The following TENM4 variants were observed in gnomAD, a reference collection of about 807,000 sequenced individuals.
The protein encoded by TENM4 is teneurin-4.
In TENM4, 82 loss-of-function variants were observed where a neutral mutation model predicts 243.3. The ratio of observed to expected loss-of-function variants is 0.34; its 90% CI spans 0.28 to 0.40. TENM4 has a LOEUF of 0.40. Ranked by LOEUF, TENM4 falls within the 10% of genes least tolerant of loss-of-function variation. The pLI, the probability that TENM4 is intolerant of heterozygous loss-of-function variation, is 1.00. For missense variants in TENM4, 3,138 were observed against 3,673.3 expected (o/e 0.85, Z 3.77); for synonymous variants, 1,412 against 1,456.3 (o/e 0.97, Z 0.69).
At chr11:79,098,338 C>T (rs1038817561) in intron 4 of TENM4, among the ~76,000 whole-genome samples, 1 of 152,178 alleles carries the variant, frequency 6.6e-6, no homozygotes, top group Non-Finnish European at 1.5e-5. Context: ...AGCTCTGCCC[C>T]CAGGGCCCTT....
chr11:78,745,701 T>C (rs1044944670), intron 19 of TENM4, among the ~76,000 whole-genome samples: 3 of 152,212 alleles, frequency 2.0e-5, no homozygotes, highest in Non-Finnish European at 4.4e-5. Context: ...AAAGAAACAC[T>C]GTATAGATAG....
chr11:79,164,770 A>C (rs1034293459), intron 3 of TENM4, among the ~76,000 whole-genome samples: 33 of 151,418 alleles, frequency 2.2e-4, no homozygotes, highest in Admixed American at 7.9e-4. Flanking sequence ...TGGGTTTATC[A>C]GGGGTTTCTG....
At chr11:79,356,669 A>T (rs970223973) in intron 1 of TENM4, among the ~76,000 whole-genome samples, 1 of 152,184 alleles carries the variant, frequency 6.6e-6, no homozygotes, top group East Asian at 1.9e-4. Flanking sequence ...GGCTTTGTAA[A>T]AAATGGTGTT....
intron 1 of TENM4, among the ~76,000 whole-genome samples, chr11:79,316,579 A>C (rs533693614): frequency 1.3e-5 from 2 of 152,340 alleles, no homozygotes; most frequent in South Asian, 2.1e-4. Flanking sequence ...ATTTTGTAAC[A>C]ATTTACATCA....
chr11:79,164,175 T>C (rs1387576925), intron 3 of TENM4, among the ~76,000 whole-genome samples: 1 of 124,780 alleles, frequency 8.0e-6, no homozygotes, highest in Non-Finnish European at 1.6e-5. Flanking sequence ...ATATATGGCA[T>C]ACTATAGTGT....
At chr11:79,010,241 C>T (rs1858608308) in intron 6 of TENM4, among the ~76,000 whole-genome samples, 1 of 152,128 alleles carries the variant, frequency 6.6e-6, no homozygotes, top group Non-Finnish European at 1.5e-5. Flanking sequence ...TTTCATGTGC[C>T]AAGCACTAGG....
chr11:79,101,630 G>A (rs1439672475), intron 4 of TENM4, among the ~76,000 whole-genome samples: 2 of 152,188 alleles, frequency 1.3e-5, no homozygotes, highest in Admixed American at 6.5e-5. Flanking sequence ...GATGCTCTGC[G>A]CCTCACTTTC....
At chr11:79,144,698 T>C (rs1376779601) in intron 4 of TENM4, among the ~76,000 whole-genome samples, 4 of 152,100 alleles carry the variant, frequency 2.6e-5, no homozygotes, top group Non-Finnish European at 4.4e-5. Context: ...AAACTTTGCA[T>C]GTTCTCACTC....
At chr11:78,978,229 G>A (rs1857709740) in intron 6 of TENM4, among the ~76,000 whole-genome samples, 1 of 152,082 alleles carries the variant, frequency 6.6e-6, no homozygotes, top group Non-Finnish European at 1.5e-5. Context: ...GGGAGGGATA[G>A]CATTAGGAGA....
chr11:79,297,054 G>A (rs1181669067), intron 2 of TENM4, among the ~76,000 whole-genome samples: 2 of 152,214 alleles, frequency 1.3e-5, no homozygotes, highest in African/African-American at 4.8e-5. Context: ...AGGTCACAGA[G>A]CAGGTCATTG....
intron 3 of TENM4, among the ~76,000 whole-genome samples, chr11:79,180,148 C>T (rs1340426349): frequency 1.3e-5 from 2 of 151,510 alleles, no homozygotes; most frequent in African/African-American, 4.8e-5. Context: ...GCATCTTAAG[C>T]TTATTAACAA....
intron 12 of TENM4, among the ~76,000 whole-genome samples, chr11:78,841,194 G>T (rs1452927898): frequency 6.6e-6 from 1 of 152,068 alleles, no homozygotes; most frequent in African/African-American, 2.4e-5. Context: ...TTTCAGATAA[G>T]GAAACTGAGG....
At chr11:78,824,503 CTTTTTTT>C (rs35834549) in intron 12 of TENM4, among the ~76,000 whole-genome samples, 3 of 137,056 alleles carry the variant, frequency 2.2e-5, no homozygotes, top group Non-Finnish European at 4.6e-5. Flanking sequence ...TTCTTTCTTT[CTTTTTTT>C]TTTTTTTTGG....
intron 2 of TENM4, among the ~76,000 whole-genome samples, chr11:79,292,290 G>A (rs543059802): frequency 2.0e-5 from 3 of 152,208 alleles, no homozygotes; most frequent in African/African-American, 4.8e-5. Context: ...CAATGAGCAT[G>A]CTGTAGTGGA....
chr11:79,374,239 A>G (rs754655310), intron 1 of TENM4, among the ~76,000 whole-genome samples: 1 of 152,172 alleles, frequency 6.6e-6, no homozygotes, highest in Non-Finnish European at 1.5e-5. Context: ...ACACATGGCT[A>G]TTAATACATA....
intron 4 of TENM4, among the ~76,000 whole-genome samples, chr11:79,141,433 T>G (rs1209350151): frequency 6.6e-6 from 1 of 151,998 alleles, no homozygotes; most frequent in Non-Finnish European, 1.5e-5. Flanking sequence ...CTACAAATAT[T>G]AAACCATGAA....
chr11:78,705,494 A>T (rs995553302), intron 27 of TENM4, among the ~76,000 whole-genome samples: 1 of 152,198 alleles, frequency 6.6e-6, no homozygotes, highest in Non-Finnish European at 1.5e-5. Flanking sequence ...ATTAGCGATG[A>T]TCGTGCTGAG....
At chr11:79,066,128 C>A (rs1051960701) in intron 5 of TENM4, among the ~76,000 whole-genome samples, 1 of 152,124 alleles carries the variant, frequency 6.6e-6, no homozygotes, top group Non-Finnish European at 1.5e-5. Flanking sequence ...AACTCTCTGG[C>A]GGGTAGGAGA....
intron 9 of TENM4, among the ~76,000 whole-genome samples, chr11:78,882,608 T>C (rs747584817): frequency 2.6e-5 from 4 of 152,212 alleles, no homozygotes; most frequent in Non-Finnish European, 4.4e-5. Context: ...GTCCAGTTTG[T>C]ATGATGAAAT....
Sources: allele counts gnomAD v4.1 joint callset (sites outside exome capture counted in the v4.1 genomes callset), GRCh38; gene constraint gnomAD v4.1.1; transcripts MANE v1.5; gene names NCBI Gene and HGNC (gene_info 2026-07-23, HGNC 2026-07-21).